PUM2: variants seen among roughly 807,000 people sequenced by gnomAD.
PUM2 encodes pumilio homolog 2.
PUM2 carries 57 observed loss-of-function variants against 124.5 expected under a neutral mutation model. The ratio of observed to expected loss-of-function variants is 0.46; its 90% CI spans 0.37 to 0.57. The LOEUF is 0.57. PUM2 is among the 20% of genes least tolerant of loss of function. PUM2 has a pLI of 0.00. For missense variants in PUM2, 1,065 were observed against 1,290.6 expected (o/e 0.83, Z 2.68); for synonymous variants, 460 against 446.1 (o/e 1.03, Z -0.39).
At chr2:20,315,390 T>C (rs1367279810) in intron 3 of PUM2, among the ~76,000 whole-genome samples, 1 of 152,162 alleles carries the variant, frequency 6.6e-6, no homozygotes, top group African/African-American at 2.4e-5. Flanking sequence ...TCTCTTAGAA[T>C]GACAATTCCT....
chr2:20,347,684 G>A (rs1688514600), intron 1 of PUM2, among the ~76,000 whole-genome samples: 1 of 152,178 alleles, frequency 6.6e-6, no homozygotes, highest in Non-Finnish European at 1.5e-5. Context: ...CACAGTAGTT[G>A]GACTTGTGTT....
In PUM2 at chr2:20,283,213, C is replaced by CCTG. The variant is rs1671960422; in HGVS notation, c.1453_1454insCAG (p.Ala484dup). On this transcript the variant is annotated inframe_insertion, in exon 12 of 21. Coordinates refer to ENST00000361078, the MANE Select transcript of PUM2 (RefSeq NM_015317.5). The stretch of plus-strand genomic sequence containing the variant: ...GCCTGTAAGGCTACTTGCAGTTCCT[C>CCTG]CAGCTGCTGCTGCTGCTGCTGTAAA... The CCTG allele has an allele frequency of 6.2e-7, 1 of 1,612,452 alleles. No homozygotes were observed. The highest frequency in any genetic ancestry group is 1.3e-5 in the African/African-American group (1 of 74,992).
At chr2:20,254,835 C>A (rs750969493) in intron 19 of PUM2, 28 bp downstream of exon 19, 2 of 1,604,288 alleles carry the variant, frequency 1.2e-6, no homozygotes, top group South Asian at 2.2e-5. Flanking sequence ...AAAGAATTGA[C>A]CCTTAAAATT....
At chr2:20,303,965 T>C (rs536510077) in intron 7 of PUM2, among the ~76,000 whole-genome samples, 2 of 147,820 alleles carry the variant, frequency 1.4e-5, no homozygotes, top group Non-Finnish European at 3.0e-5. Context: ...CTTAGAACTC[T>C]GCGACATGTT....
chr2:20,277,485 G>A (rs1670525535), intron 13 of PUM2, among the ~76,000 whole-genome samples: 1 of 152,126 alleles, frequency 6.6e-6, no homozygotes, highest in Non-Finnish European at 1.5e-5. Context: ...CCAGAATTTG[G>A]GGTGGAAGAC....
intron 10 of PUM2, among the ~76,000 whole-genome samples, chr2:20,288,587 C>T (rs373046526): frequency 3.3e-5 from 5 of 151,874 alleles, no homozygotes; most frequent in Non-Finnish European, 5.9e-5. Context: ...AGATTCAAGA[C>T]GGAAAAACAA....
rs751202642 is a variant in PUM2, at chr2:20,263,458, C to T, written c.1960G>A (p.Gly654Arg). ...TATCGACCACTACCATTTGTCAGTC[C>T]TCCTACAACAAAGCAGCTATGGTCA... ...HGSSSSLHLGGLTNGSGRYIS... is the reference protein window; with the variant it reads ...HGSSSSLHLGRLTNGSGRYIS... The change falls in exon 14 of 21, where the codon GGA (glycine) becomes AGA (arginine). Residue 654 changes from glycine to arginine, a missense_variant and splice_region_variant. Physicochemically the swap from Gly to Arg is moderately radical, Grantham distance 125. Around this residue, in one of 3 missense-constraint regions of PUM2, gnomAD observed 968 missense variants for 1,159.8 expected, o/e 0.83. Transcript: ENST00000361078. 3.8e-6 allele frequency: 6 copies of T among 1,596,876 alleles called. No homozygotes were observed. Among genetic ancestry groups the T allele is most frequent in the African/African-American group, 2.7e-5 (2 of 74,638 alleles).
chr2:20,312,443 C>T lies in PUM2; in HGVS notation c.161-20G>A, dbSNP rs1558619585. The T allele has an allele frequency of 1.3e-6, 2 of 1,587,720 alleles. No homozygotes were observed. The highest frequency in any genetic ancestry group is 1.7e-6 in the Non-Finnish European group (2 of 1,164,378). ...AATGGTCTGTTTGGAAGAAAAAACA[C>T]AATTATATACTTATACTTTTAAGTT... On this transcript the variant is annotated intron_variant, in intron 3 of 20. Coordinates refer to ENST00000361078, the MANE Select transcript of PUM2 (RefSeq NM_015317.5).
At chr2:20,279,066 C>T (rs1178103151) in intron 12 of PUM2, among the ~76,000 whole-genome samples, 1 of 152,034 alleles carries the variant, frequency 6.6e-6, no homozygotes. Flanking sequence ...CACATATTTA[C>T]CACTGACACA....
rs1689180100 is a variant in PUM2 at position 20,350,667 on chromosome 2, C to T, written c.-89G>A. 1.0e-6 allele frequency: 1 copy of T among 985,532 alleles called. No homozygotes were observed. The highest frequency in any genetic ancestry group is 1.1e-4 in the East Asian group (1 of 8,774). 61.0% of individuals were successfully genotyped at this position (985,532 alleles called of 1,614,324 possible). A position where few individuals can be genotyped will look rare whatever the true frequency, so the allele number is the denominator to read the frequency against. The stretch of plus-strand genomic sequence containing the variant: ...GGGCACACGGCGGCGTCGCTCTTGG[C>T]GGTCCTCCCCCTCCTCCGCCTTCGG... On this transcript the variant is annotated 5_prime_UTR_variant, in exon 1 of 21. Coordinates refer to ENST00000361078, the MANE Select transcript of PUM2 (RefSeq NM_015317.5).
intron 1 of PUM2, among the ~76,000 whole-genome samples, chr2:20,348,456 G>GA (rs1209665622): frequency 1.3e-5 from 2 of 152,126 alleles, no homozygotes; most frequent in East Asian, 1.9e-4. Flanking sequence ...TAGGAGACAG[G>GA]AATCAACCTC....
intron 3 of PUM2, among the ~76,000 whole-genome samples, chr2:20,315,650 C>T (rs1179916434): frequency 6.6e-6 from 1 of 151,942 alleles, no homozygotes; most frequent in African/African-American, 2.4e-5. Context: ...AGATGCTTTG[C>T]TTTTCAACAC....
chr2:20,351,773 C>A (rs1335156120), upstream of PUM2, among the ~76,000 whole-genome samples: 3 of 152,162 alleles, frequency 2.0e-5, no homozygotes, highest in Non-Finnish European at 4.4e-5. Flanking sequence ...ATATTCAGGG[C>A]CTCCCGTATA....
At position 20,290,659 on chromosome 2, in the gene PUM2, G is replaced by A; in HGVS notation, c.1284C>T (p.Gly428=). Residue 428 remains glycine, a synonymous_variant, in exon 10 of 21, where the codon GGC becomes GGT. Coordinates refer to ENST00000361078, the MANE Select transcript of PUM2 (RefSeq NM_015317.5). ...AAATGACCAATTGTATACCTGGCAT[G>A]CCAGTAGCAAGACCCTGACCAAAAG... ...TLAFGQGLAT[G]MPGYQVLAPT... 6 of 1,608,918 alleles carry A rather than the reference G, an allele frequency of 3.7e-6. No individual in the cohort carries two copies. Among genetic ancestry groups the A allele is most frequent in the Non-Finnish European group, 5.1e-6 (6 of 1,178,478 alleles).
intron 7 of PUM2, among the ~76,000 whole-genome samples, chr2:20,298,935 A>G (rs1676304846): frequency 1.3e-5 from 2 of 152,250 alleles, no homozygotes; most frequent in African/African-American, 4.8e-5. Flanking sequence ...ATCAAAATTC[A>G]GGTTCCTGAA....
Position 20,308,088 on chromosome 2 carries a change from T to A in PUM2, c.790-17A>T. The A allele has an allele frequency of 4.4e-6, 7 of 1,594,916 alleles. No individual in the cohort carries two copies. The highest frequency in any genetic ancestry group is 6.0e-6 in the Non-Finnish European group (7 of 1,166,858). ...CTGAAAGAGCTATTAGGGAAAATAT[T>A]TAACACAAAGATTAGTGTCAAAATC... On this transcript the variant is annotated splice_polypyrimidine_tract_variant and intron_variant, in intron 6 of 20. Transcript: ENST00000361078.
At chr2:20,295,093 G>T (rs1440948457) in intron 8 of PUM2, among the ~76,000 whole-genome samples, 5 of 152,102 alleles carry the variant, frequency 3.3e-5, no homozygotes, top group African/African-American at 1.2e-4. Context: ...CAGCATTTAT[G>T]TGGTTAGGAA....
Position 20,320,149 on chromosome 2 carries a change from C to G in PUM2, c.52-1504G>C, listed in dbSNP as rs183120153. On this transcript the variant is annotated intron_variant, in intron 2 of 20. Transcript: ENST00000361078. The stretch of plus-strand genomic sequence containing the variant: ...GGCGTGGTTGCCAGTGCCTGTAATC[C>G]CAGCTACCTGGGAGGCTGAGGCAGA... Among the ~76,000 whole-genome samples, 81 of 152,224 alleles carry G rather than the reference C, an allele frequency of 5.3e-4. No homozygotes were observed. In the East Asian group the frequency reaches 0.015, roughly 28 times the overall value.
At chr2:20,278,883 A>G (rs1290883761) in intron 12 of PUM2, 64 bp from the exon 13 acceptor site, 6 of 1,193,530 alleles carry the variant, frequency 5.0e-6, no homozygotes, top group African/African-American at 1.5e-5. Context: ...TCTATCCCCA[A>G]CTCTCGCTGG....
Sources: gnomAD v4.1 joint callset for allele counts (sites outside exome capture counted in the v4.1 genomes callset) on GRCh38, gnomAD v4.1.1 for gene constraint, gnomAD v4.1.1 regional missense constraint, MANE v1.5 for transcripts, NCBI Gene and HGNC (gene_info 2026-07-23, HGNC 2026-07-21) for gene names.